CAMTA1: variants seen among roughly 807,000 people sequenced by gnomAD.
CAMTA1 encodes the protein calmodulin-binding transcription activator 1.
In CAMTA1, 27 loss-of-function variants were observed where a neutral mutation model predicts 170.9. That is an observed-to-expected ratio of 0.16 (90% CI 0.12 to 0.22). CAMTA1 has a LOEUF of 0.22. CAMTA1 is among the 10% of genes least tolerant of loss of function. The probability of loss-of-function intolerance (pLI) is 1.00; values close to 1 mark genes in which losing one functional copy is unlikely to be tolerated. For synonymous variants in CAMTA1, 833 were observed against 891.5 expected (o/e 0.93, Z 1.17); for missense variants, 1,619 against 2,217.2 (o/e 0.73, Z 5.42).
At chr1:7,301,315 A>G (rs1328882920) in intron 5 of CAMTA1, among the ~76,000 whole-genome samples, 2 of 152,214 alleles carry the variant, frequency 1.3e-5, no homozygotes, top group Non-Finnish European at 2.9e-5. Context: ...TTTGATTTGT[A>G]ATGTGGTTTG....
At chr1:7,359,897 G>C (rs1194622599) in intron 5 of CAMTA1, among the ~76,000 whole-genome samples, 2 of 152,170 alleles carry the variant, frequency 1.3e-5, no homozygotes, top group African/African-American at 4.8e-5. Flanking sequence ...TTAAACATGG[G>C]AAGTGCATTG....
chr1:6,963,286 C>A (rs1354690562), intron 3 of CAMTA1, among the ~76,000 whole-genome samples: 1 of 47,318 alleles, frequency 2.1e-5, no homozygotes, highest in Non-Finnish European at 4.7e-5. Flanking sequence ...CCCCCCCCCC[C>A]CGCTTTCCAT....
intron 3 of CAMTA1, among the ~76,000 whole-genome samples, chr1:7,056,412 G>T (rs1707333030): frequency 6.6e-6 from 1 of 152,162 alleles, no homozygotes; most frequent in African/African-American, 2.4e-5. Flanking sequence ...GACCCATCAG[G>T]CTGAGGCCTT....
At chr1:7,492,690 CCTA>C (rs1234915335) in intron 6 of CAMTA1, among the ~76,000 whole-genome samples, 1 of 143,016 alleles carries the variant, frequency 7.0e-6, no homozygotes, top group African/African-American at 2.7e-5. Flanking sequence ...CAAACACAAA[CCTA>C]CAAACACACA....
At chr1:6,902,629 G>C (rs1677374746) in intron 3 of CAMTA1, among the ~76,000 whole-genome samples, 1 of 152,210 alleles carries the variant, frequency 6.6e-6, no homozygotes. Context: ...TGGTTATGCA[G>C]CTCTGTTTGT....
intron 5 of CAMTA1, among the ~76,000 whole-genome samples, chr1:7,418,620 C>T (rs972283555): frequency 2.0e-5 from 3 of 152,208 alleles, no homozygotes; most frequent in African/African-American, 7.2e-5. Flanking sequence ...TTTGCTGATC[C>T]ACCTGTCCAC....
At chr1:7,334,899 A>G (rs2149768450) in intron 5 of CAMTA1, among the ~76,000 whole-genome samples, 1 of 152,262 alleles carries the variant, frequency 6.6e-6, no homozygotes, top group Admixed American at 6.5e-5. Flanking sequence ...GGAGTGCGGG[A>G]AAGCTCCCTT....
rs543281271 is a variant in CAMTA1 at position 7,119,706 on chromosome 1, T to C, written c.302+28335T>C. 3.3e-5 allele frequency among the ~76,000 whole-genome samples: 5 copies of C among 152,276 alleles called. No individual in the cohort carries two copies. The East Asian group carries it at 9.6e-4, about 29-fold the overall frequency. ...AGACTGAATTTCTACCTTTGGAGAA[T>C]CAGGGCATCTGATATAACAATACAA... is the stretch of plus-strand genomic sequence containing the variant. On this transcript the variant is annotated intron_variant, in intron 4 of 22. Transcript: ENST00000303635.
intron 10 of CAMTA1, 43 bp from the exon 11 acceptor site, chr1:7,677,556 T>A: frequency 6.3e-7 from 1 of 1,597,108 alleles, no homozygotes; most frequent in Non-Finnish European, 8.5e-7. Context: ...AGGCTGTAGG[T>A]ACCCACCCAT....
chr1:7,229,966 T>C lies in CAMTA1; in HGVS notation c.303-19525T>C, dbSNP rs539795176. Among the ~76,000 whole-genome samples the C allele has an allele frequency of 2.1e-4, 32 of 152,246 alleles. No homozygotes were observed. The East Asian group carries it at 3.9e-3, about 18-fold the overall frequency. On this transcript the variant is annotated intron_variant, in intron 4 of 22. Transcript: ENST00000303635. ...TGGGGTTTTGAGAGGCCGGTTGGGC[T>C]GAAGCTCCAAGGAATGACCTGAAGG...
At chr1:7,055,628 G>A (rs1707197905) in intron 3 of CAMTA1, among the ~76,000 whole-genome samples, 1 of 152,196 alleles carries the variant, frequency 6.6e-6, no homozygotes, top group Non-Finnish European at 1.5e-5. Flanking sequence ...ATGGAGACCT[G>A]GCCTCGAGGT....
At chr1:7,716,313 G>C (rs1241138803) in intron 11 of CAMTA1, among the ~76,000 whole-genome samples, 25 of 152,296 alleles carry the variant, frequency 1.6e-4, no homozygotes. Flanking sequence ...TTACAGGCAT[G>C]AGACACTGTG....
intron 3 of CAMTA1, among the ~76,000 whole-genome samples, chr1:7,054,589 A>AG (rs1485827898): frequency 6.6e-6 from 1 of 152,114 alleles, no homozygotes; most frequent in Non-Finnish European, 1.5e-5. Context: ...GCCGGTGGTG[A>AG]GGGGGTCGTA....
At chr1:7,594,661 G>A (rs763936371) in intron 6 of CAMTA1, among the ~76,000 whole-genome samples, 29 of 152,320 alleles carry the variant, frequency 1.9e-4, no homozygotes, top group Non-Finnish European at 4.1e-4. Context: ...AGGGTGGGGA[G>A]AGGAGGACAG....
At chr1:7,587,998 C>T (rs573479774) in intron 6 of CAMTA1, among the ~76,000 whole-genome samples, 10 of 152,172 alleles carry the variant, frequency 6.6e-5, no homozygotes, top group Non-Finnish European at 7.3e-5. Context: ...GATCCCCTAT[C>T]GGTGCCTGGC....
chr1:7,349,152 A>G (rs949261834), intron 5 of CAMTA1, among the ~76,000 whole-genome samples: 1 of 152,222 alleles, frequency 6.6e-6, no homozygotes, highest in Admixed American at 6.5e-5. Flanking sequence ...CCTCGAGCGC[A>G]TGTTAACGAC....
chr1:7,470,082 C>T (rs1052799153), intron 6 of CAMTA1, among the ~76,000 whole-genome samples: 2 of 152,362 alleles, frequency 1.3e-5, no homozygotes, highest in Admixed American at 1.3e-4. Flanking sequence ...GCTGGGGCCT[C>T]TTCATCTTCT....
chr1:7,103,518 TAC>T (rs1167691647), intron 4 of CAMTA1, among the ~76,000 whole-genome samples: 1 of 132,658 alleles, frequency 7.5e-6, no homozygotes, highest in Non-Finnish European at 1.6e-5. Flanking sequence ...ACTACACACG[TAC>T]ACACAACACA....
At chr1:6,888,067 T>C (rs112085224) in intron 3 of CAMTA1, 2 of 1,061,646 alleles carry the variant, frequency 1.9e-6, no homozygotes, top group African/African-American at 3.3e-5. Flanking sequence ...GTGGTATGTT[T>C]TCCAGTCAGT....
Sources: allele counts gnomAD v4.1 joint callset (sites outside exome capture counted in the v4.1 genomes callset), GRCh38; gene constraint gnomAD v4.1.1; transcripts MANE v1.5; gene names NCBI Gene and HGNC (gene_info 2026-07-23, HGNC 2026-07-21).